The following CFAP221 variants were observed in gnomAD, a reference collection of about 807,000 sequenced individuals.
CFAP221 encodes cilia and flagella associated protein 221.
In CFAP221, 97 loss-of-function variants were observed where a neutral mutation model predicts 113.1. The observed-to-expected ratio is 0.86, with a 90% confidence interval of 0.73 to 1.02. The LOEUF (loss-of-function observed/expected upper bound fraction) is 1.02. CFAP221 is among the 50% of genes least tolerant of loss of function. The pLI is 0.00. For missense variants in CFAP221, 1,025 were observed against 1,013.4 expected, an observed-to-expected ratio of 1.01 and a Z score of -0.16; for synonymous variants, 331 against 354.4, an observed-to-expected ratio of 0.93 and a Z score of 0.74.
chr2:119,545,098 G>T (rs1317334758), intron 1 of CFAP221: 2 of 151,990 alleles, frequency 1.3e-5, no homozygotes, highest in Non-Finnish European at 2.9e-5. Flanking sequence ...ATTGTTAAGC[G>T]CCTTCCTTCA....
intron 14 of CFAP221, among the ~76,000 whole-genome samples, chr2:119,621,962 A>G (rs1178331767): frequency 6.6e-6 from 1 of 152,204 alleles, no homozygotes; most frequent in Non-Finnish European, 1.5e-5. Context: ...ACACCCTAAC[A>G]TTATAATGAA....
chr2:119,594,806 A>T (rs1683848650), intron 7 of CFAP221, among the ~76,000 whole-genome samples: 1 of 152,208 alleles, frequency 6.6e-6, no homozygotes, highest in Non-Finnish European at 1.5e-5. Context: ...AGCAACTCTT[A>T]TGAAGTAGAT....
Position 119,544,522 on chromosome 2 carries a change from G to A in CFAP221, c.-48+12G>A, listed in dbSNP as rs1239047463. 6.6e-6 allele frequency: 1 copy of A among 152,040 alleles called. No homozygotes were observed. The highest frequency in any genetic ancestry group is 2.4e-5 in the African/African-American group (1 of 41,426). 9.4% of individuals were successfully genotyped at this position (152,040 alleles called of 1,614,324 possible). On this transcript the variant is annotated intron_variant, in intron 1 of 23. Transcript: ENST00000413369. ...GAACCACCTCCAGGGTGAGCGGCCAGGGACCTGGGGCCCGGGTGGCCCAGG... is the reference window on the plus strand; with the variant it reads ...GAACCACCTCCAGGGTGAGCGGCCAAGGACCTGGGGCCCGGGTGGCCCAGG...
intron 14 of CFAP221, among the ~76,000 whole-genome samples, chr2:119,616,822 G>A (rs760624030): frequency 2.6e-5 from 4 of 152,194 alleles, no homozygotes; most frequent in Non-Finnish European, 5.9e-5. Context: ...GGCCGTCCTT[G>A]TGCACTTTAG....
At chr2:119,546,717 C>G (rs1300903746) in intron 2 of CFAP221, among the ~76,000 whole-genome samples, 1 of 152,164 alleles carries the variant, frequency 6.6e-6, no homozygotes, top group Non-Finnish European at 1.5e-5. Flanking sequence ...ACCTGTCCAC[C>G]CAGCACCATC....
In CFAP221 at chr2:119,589,234, G is replaced by A. The variant is rs1417353668; in HGVS notation, c.631+2012G>A. Among the ~76,000 whole-genome samples the A allele has an allele frequency of 2.0e-5, 3 of 152,222 alleles. No homozygotes were observed. In the East Asian group the frequency reaches 5.8e-4, roughly 29 times the overall value. On this transcript the variant is annotated intron_variant, in intron 7 of 23. Transcript: ENST00000413369. ...CTTGGTTTGGTTTCCCACTTTGATG[G>A]TGTATCAGTACATTGTTGGCTGTTA...
intron 14 of CFAP221, among the ~76,000 whole-genome samples, chr2:119,617,392 G>A (rs939855479): frequency 6.6e-6 from 1 of 152,222 alleles, no homozygotes; most frequent in African/African-American, 2.4e-5. Flanking sequence ...GAGCACAGTG[G>A]TAAGAAGAGG....
At chr2:119,624,921 A>G (rs1003104646) in intron 14 of CFAP221, among the ~76,000 whole-genome samples, 1 of 152,124 alleles carries the variant, frequency 6.6e-6, no homozygotes, top group Non-Finnish European at 1.5e-5. Flanking sequence ...CCTAATGTAG[A>G]TGGCGGGTTG....
chr2:119,580,246 G>A (rs1428829467), intron 6 of CFAP221: 1 of 152,170 alleles, frequency 6.6e-6, no homozygotes, highest in East Asian at 1.9e-4. Context: ...TTTAAGACAG[G>A]ATTTGTGAGT....
rs180948582 is a variant in CFAP221, at chr2:119,548,684, G to A, written c.140-401G>A. Reference sequence around the variant, plus strand: ...TACATAGTAATAAACTTAAGTGTGCGGTGTTTGGATACTTTGATCTGGGTA... The same window carrying A: ...TACATAGTAATAAACTTAAGTGTGCAGTGTTTGGATACTTTGATCTGGGTA... On this transcript the variant is annotated intron_variant, in intron 2 of 23. Coordinates refer to ENST00000413369, the MANE Select transcript of CFAP221 (RefSeq NM_001271049.2). 5.7e-4 allele frequency among the ~76,000 whole-genome samples: 87 copies of A among 152,262 alleles called. 1 individual carries two copies. The South Asian group carries it at 6.2e-3, about 11-fold the overall frequency.
chr2:119,545,030 G>A (rs1045901702), intron 1 of CFAP221: 2 of 151,810 alleles, frequency 1.3e-5, no homozygotes, highest in African/African-American at 4.9e-5. Flanking sequence ...GCTATGAGAG[G>A]TGGTGCGAGG....
chr2:119,616,479 C>A (rs1188244637), intron 14 of CFAP221, among the ~76,000 whole-genome samples: 1 of 152,196 alleles, frequency 6.6e-6, no homozygotes, highest in African/African-American at 2.4e-5. Context: ...AGGCTTAATG[C>A]ATGCCTTTCA....
Position 119,630,647 on chromosome 2 carries a change from G to T in CFAP221, c.1809G>T (p.Lys603Asn). The T allele has an allele frequency of 6.2e-7, 1 of 1,613,782 alleles. No homozygotes were observed. The highest frequency in any genetic ancestry group is 8.5e-7 in the Non-Finnish European group (1 of 1,179,728). The change falls in exon 18 of 24, where the codon AAG (lysine) becomes AAT (asparagine). Residue 603 changes from lysine to asparagine, a missense_variant. By Grantham distance (94) the Lys-to-Asn change is moderately conservative. Coordinates refer to ENST00000413369, the MANE Select transcript of CFAP221 (RefSeq NM_001271049.2). The stretch of plus-strand genomic sequence containing the variant: ...CTTCAACAAGTTACAGACCTCAAAA[G>T]CTTGCCCGAGCCCTAAAGCAAGGAG... The part of the protein sequence containing the change: ...HKSSTSYRPQ[K>N]LARALKQGAE...
chr2:119,615,918 CA>C (rs1273319387), intron 14 of CFAP221, among the ~76,000 whole-genome samples: 1 of 152,178 alleles, frequency 6.6e-6, no homozygotes, highest in Non-Finnish European at 1.5e-5. Flanking sequence ...TTTATCACCT[CA>C]AAAGGAAACT....
chr2:119,656,065 A>G (rs1026649875), intron 23 of CFAP221: 8 of 346,192 alleles, frequency 2.3e-5, no homozygotes, highest in African/African-American at 1.0e-4. Flanking sequence ...CACCTTTGCT[A>G]CAATGCTGGG....
At chr2:119,568,786 T>C (rs1574021893) in intron 6 of CFAP221, among the ~76,000 whole-genome samples, 2 of 152,336 alleles carry the variant, frequency 1.3e-5, no homozygotes, top group Admixed American at 1.3e-4. Flanking sequence ...TTGTGAATAG[T>C]GCTGCAACGA....
chr2:119,651,861 T>G, intron 22 of CFAP221, 113 bp from the exon 23 acceptor site: 1 of 768,976 alleles, frequency 1.3e-6, no homozygotes, highest in South Asian at 2.8e-5. Flanking sequence ...TAGATGGAAC[T>G]AAAGTTGAAT....
At chr2:119,631,063 A>G in intron 19 of CFAP221, 162 bp downstream of exon 19, 3 of 1,350,270 alleles carry the variant, frequency 2.2e-6, no homozygotes, top group Non-Finnish European at 2.9e-6. Context: ...TATTTTTTGG[A>G]GAATATCAGT....
intron 6 of CFAP221, among the ~76,000 whole-genome samples, chr2:119,576,878 TTC>T (rs1483223133): frequency 1.3e-5 from 2 of 152,260 alleles, no homozygotes; most frequent in South Asian, 2.1e-4. Flanking sequence ...TCTTATTTCC[TTC>T]TGTTTTTGTT....
Sources: allele counts gnomAD v4.1 joint callset (sites outside exome capture counted in the v4.1 genomes callset), GRCh38; gene constraint gnomAD v4.1.1; transcripts MANE v1.5; gene names NCBI Gene and HGNC (gene_info 2026-07-23, HGNC 2026-07-21).